Variants in PPP3R1 observed in about 807,000 individuals in gnomAD.
The protein encoded by PPP3R1 is calcineurin subunit B type 1.
PPP3R1 carries 5 observed loss-of-function variants against 22.6 expected under a neutral mutation model. The observed-to-expected ratio is 0.22, with a 90% CI of 0.12 to 0.46. The LOEUF (loss-of-function observed/expected upper bound fraction) is 0.46. Ranked by LOEUF, PPP3R1 falls within the 20% of genes least tolerant of loss-of-function variation. The pLI is 0.99. For missense variants in PPP3R1, 61 were observed against 203.2 expected (o/e 0.30, Z 4.25); for synonymous variants, 56 against 65.2 (o/e 0.86, Z 0.68).
chr2:68,201,951 T>C (rs1674983489), intron 2 of PPP3R1, among the ~76,000 whole-genome samples: 1 of 152,230 alleles, frequency 6.6e-6, no homozygotes, highest in South Asian at 2.1e-4. Context: ...AAACTAAACA[T>C]AGATGTTCTT....
chr2:68,237,843 A>G (rs140038038), intron 1 of PPP3R1, among the ~76,000 whole-genome samples: 1 of 152,164 alleles, frequency 6.6e-6, no homozygotes, highest in Non-Finnish European at 1.5e-5. Context: ...GCTGTTCTAG[A>G]ATCTCCAGAA....
chr2:68,211,406 C>CCAAAAA (rs565919578), intron 2 of PPP3R1, among the ~76,000 whole-genome samples: 1 of 77,412 alleles, frequency 1.3e-5, no homozygotes, highest in African/African-American at 5.6e-5. Context: ...GACTCTGTCT[C>CCAAAAA]AAAAAAAAAA....
At chr2:68,198,297 G>A (rs1400276531) in intron 2 of PPP3R1, among the ~76,000 whole-genome samples, 18 of 139,394 alleles carry the variant, frequency 1.3e-4, no homozygotes, top group African/African-American at 5.1e-4. Flanking sequence ...GTATACACAT[G>A]TATACATGTA....
rs962939040 is a variant in PPP3R1, at chr2:68,235,593, G to A, written c.3+16532C>T. Among the ~76,000 whole-genome samples, 22 of 151,972 alleles carry A rather than the reference G, an allele frequency of 1.4e-4. No individual in the cohort carries two copies. The East Asian group carries it at 3.1e-3, about 21-fold the overall frequency. Reference sequence around the variant, plus strand: ...TTCGTATGAACATACCATATTTATCGATTCATCAGTTAATAAACATTTGGA... The same window carrying A: ...TTCGTATGAACATACCATATTTATCAATTCATCAGTTAATAAACATTTGGA... On this transcript the variant is annotated intron_variant, in intron 1 of 5. Coordinates refer to ENST00000234310, the MANE Select transcript of PPP3R1 (RefSeq NM_000945.4).
chr2:68,232,191 A>G (rs1000414863), intron 1 of PPP3R1, among the ~76,000 whole-genome samples: 2 of 57,568 alleles, frequency 3.5e-5, no homozygotes, highest in African/African-American at 1.9e-4. Flanking sequence ...GTATATGTAT[A>G]TACATATTAT....
At chr2:68,227,369 AATT>A (rs992680487) in intron 1 of PPP3R1, among the ~76,000 whole-genome samples, 12 of 152,058 alleles carry the variant, frequency 7.9e-5, no homozygotes, top group African/African-American at 9.7e-5. Context: ...CAATTAATGT[AATT>A]ATCATAATGA....
chr2:68,225,448 G>C (rs1392367724), intron 1 of PPP3R1, among the ~76,000 whole-genome samples: 3 of 152,150 alleles, frequency 2.0e-5, no homozygotes, highest in African/African-American at 4.8e-5. Context: ...AATCTCATAA[G>C]GGCAAAGAGC....
Position 68,252,456 on chromosome 2 carries a change from G to A in PPP3R1, c.-329C>T, listed in dbSNP as rs1203017892. 4.0e-6 allele frequency: 4 copies of A among 989,796 alleles called. No homozygotes were observed. Among genetic ancestry groups the A allele is most frequent in the Non-Finnish European group, 4.8e-6 (4 of 833,568 alleles). 61.3% of individuals were successfully genotyped at this position (989,796 alleles called of 1,614,324 possible). A position where few individuals can be genotyped will look rare whatever the true frequency, so the allele number is the denominator to read the frequency against. On this transcript the variant is annotated 5_prime_UTR_variant, in exon 1 of 6. Transcript: ENST00000234310. Reference sequence around the variant, plus strand: ...GCGAAGACGGCCGGGAAACTCGGGGGCTGCAGCCTCGCGCTCGCGCCGGAG... The same window carrying A: ...GCGAAGACGGCCGGGAAACTCGGGGACTGCAGCCTCGCGCTCGCGCCGGAG...
At chr2:68,235,326 T>G (rs560600876) in intron 1 of PPP3R1, among the ~76,000 whole-genome samples, 1 of 152,278 alleles carries the variant, frequency 6.6e-6, no homozygotes, top group South Asian at 2.1e-4. Flanking sequence ...TAGAGCATAT[T>G]TATTACCCAC....
chr2:68,208,038 C>T (rs1325799794), intron 2 of PPP3R1, among the ~76,000 whole-genome samples: 1 of 152,110 alleles, frequency 6.6e-6, no homozygotes, highest in Non-Finnish European at 1.5e-5. Flanking sequence ...TGCCTGTAAT[C>T]CCAGCTACTT....
At chr2:68,218,560 T>G (rs1669622508) in intron 1 of PPP3R1, among the ~76,000 whole-genome samples, 1 of 152,094 alleles carries the variant, frequency 6.6e-6, no homozygotes, top group South Asian at 2.1e-4. Context: ...GATCTTAATA[T>G]TCTTACCATG....
chr2:68,182,620 G>A (rs1032473009), intron 5 of PPP3R1, among the ~76,000 whole-genome samples: 4 of 146,912 alleles, frequency 2.7e-5, no homozygotes, highest in East Asian at 2.0e-4. Context: ...GTTCAAGACC[G>A]GCCTGACCAA....
At chr2:68,209,828 A>G (rs1376454337) in intron 2 of PPP3R1, among the ~76,000 whole-genome samples, 4 of 152,106 alleles carry the variant, frequency 2.6e-5, no homozygotes, top group African/African-American at 9.7e-5. Context: ...GCCCCAACAA[A>G]AACAGCTCAA....
chr2:68,232,551 T>C (rs1287753111), intron 1 of PPP3R1, among the ~76,000 whole-genome samples: 2 of 152,024 alleles, frequency 1.3e-5, no homozygotes, highest in Non-Finnish European at 2.9e-5. Flanking sequence ...ACAGAACCAG[T>C]AGACTATGGA....
chr2:68,203,924 CAA>C (rs1675048693), intron 2 of PPP3R1, among the ~76,000 whole-genome samples: 1 of 152,122 alleles, frequency 6.6e-6, no homozygotes, highest in Non-Finnish European at 1.5e-5. Flanking sequence ...GACCTTCTAA[CAA>C]AAGAGAGATG....
intron 1 of PPP3R1, among the ~76,000 whole-genome samples, chr2:68,218,741 T>TA (rs1669627515): frequency 1.3e-5 from 2 of 151,990 alleles, no homozygotes; most frequent in South Asian, 2.1e-4. Context: ...TTTTTTTTTT[T>TA]AAATAAGTAT....
chr2:68,250,796 A>G (rs1262073699), intron 1 of PPP3R1, among the ~76,000 whole-genome samples: 4 of 151,762 alleles, frequency 2.6e-5, no homozygotes, highest in Admixed American at 2.6e-4. Flanking sequence ...TTTGCCCTAT[A>G]TTTTAAATAA....
intron 1 of PPP3R1, among the ~76,000 whole-genome samples, chr2:68,223,574 A>G (rs929566167): frequency 6.6e-6 from 1 of 152,144 alleles, no homozygotes; most frequent in Non-Finnish European, 1.5e-5. Flanking sequence ...CAACATTAAC[A>G]GAGGAAAAAA....
intron 2 of PPP3R1, among the ~76,000 whole-genome samples, chr2:68,195,838 G>A (rs1300371166): frequency 6.6e-6 from 1 of 150,878 alleles, no homozygotes; most frequent in East Asian, 1.9e-4. Flanking sequence ...AGCTTTATTA[G>A]GTCTTTATTA....
Sources: gnomAD v4.1 joint callset for allele counts (sites outside exome capture counted in the v4.1 genomes callset) on GRCh38, gnomAD v4.1.1 for gene constraint, MANE v1.5 for transcripts, NCBI Gene and HGNC (gene_info 2026-07-23, HGNC 2026-07-21) for gene names.